The following SLIT1 variants were observed in gnomAD, a reference collection of about 807,000 sequenced individuals.
SLIT1 encodes slit guidance ligand 1.
A neutral mutation model predicts 186.1 loss-of-function variants in SLIT1; 66 were observed. That is an observed-to-expected ratio of 0.35 (90% CI 0.29 to 0.44). The LOEUF (loss-of-function observed/expected upper bound fraction) is 0.44, where lower values mean the gene tolerates loss of function less well. Ranked by LOEUF, SLIT1 falls within the 20% of genes least tolerant of loss-of-function variation. SLIT1 has a pLI of 1.00. For missense variants in SLIT1, 1,638 were observed against 2,037.4 expected, an observed-to-expected ratio of 0.80 and a Z score of 3.77; for synonymous variants, 761 against 833.8, an observed-to-expected ratio of 0.91 and a Z score of 1.50.
chr10:97,004,670 T>C lies in SLIT1; in HGVS notation c.3710+23A>G, dbSNP rs891992106. On this transcript the variant is annotated intron_variant, in intron 33 of 36. Coordinates refer to ENST00000266058, the MANE Select transcript of SLIT1 (RefSeq NM_003061.3). The surrounding 1 kb of genome is among the most constrained non-coding windows in gnomAD (Gnocchi z 5.1). Reference sequence around the variant, plus strand: ...GCAGTCCCGTACCCCTGAGGGCAGCTGGGGGGCATAAGGAAGCCCTACCTG... The same window carrying C: ...GCAGTCCCGTACCCCTGAGGGCAGCCGGGGGGCATAAGGAAGCCCTACCTG... 14 of 1,613,782 alleles carry C rather than the reference T, an allele frequency of 8.7e-6. No individual in the cohort carries two copies. Among genetic ancestry groups the C allele is most frequent in the Non-Finnish European group, 1.1e-5 (13 of 1,179,836 alleles).
chr10:97,021,476 C>T lies in SLIT1; in HGVS notation c.2583-63G>A. On this transcript the variant is annotated intron_variant, in intron 25 of 36. Transcript: ENST00000266058. This position sits in a 1 kb window ranked among gnomAD's most constrained non-coding sequence, Gnocchi z 4.5. ...CATGGGGTCCCTCGCCCACTGGGAA[C>T]CTAGAGTCCCAGGCACTGCACCAGG... 3 of 1,510,670 alleles carry T rather than the reference C, an allele frequency of 2.0e-6. No homozygotes were observed. Among genetic ancestry groups the T allele is most frequent in the Non-Finnish European group, 1.8e-6 (2 of 1,108,372 alleles). 93.6% of individuals were successfully genotyped at this position (1,510,670 alleles called of 1,614,324 possible).
chr10:97,089,528 G>A (rs1292429701), intron 4 of SLIT1, among the ~76,000 whole-genome samples: 1 of 152,196 alleles, frequency 6.6e-6, no homozygotes, highest in Non-Finnish European at 1.5e-5. Context: ...AGATGAGTGT[G>A]AAGCCTGCAG....
intron 25 of SLIT1, among the ~76,000 whole-genome samples, chr10:97,025,872 GATCT>G (rs1178313984): frequency 2.0e-5 from 3 of 152,118 alleles, no homozygotes; most frequent in Non-Finnish European, 4.4e-5. Flanking sequence ...ACTCCTAGGC[GATCT>G]ATCTGTGCGC....
chr10:97,157,852 G>C lies in SLIT1; in HGVS notation c.379C>G (p.Leu127Val). The C allele has an allele frequency of 6.2e-7, 1 of 1,614,050 alleles. No homozygotes were observed. Among genetic ancestry groups the C allele is most frequent in the African/African-American group, 1.3e-5 (1 of 75,054 alleles). Residue 127 changes from leucine to valine, a missense_variant, in exon 4 of 37, where the codon CTG becomes GTG. Around this residue, in one of 3 missense-constraint regions of SLIT1, gnomAD observed 1,245 missense variants for 1,535.3 expected, o/e 0.81. Transcript: ENST00000266058. ...AAAGCCTGGTTGTTCTGGAACAGCA[G>C]TTCCGGTAACATGTGCAGCTGGTTT... Reference protein sequence around the residue: ...NRNQLHMLPELLFQNNQALSR... With the variant: ...NRNQLHMLPEVLFQNNQALSR...
intron 9 of SLIT1, among the ~76,000 whole-genome samples, 190 bp downstream of exon 9, chr10:97,060,450 C>A (rs539762029): frequency 6.6e-6 from 1 of 152,380 alleles, no homozygotes; most frequent in African/African-American, 2.4e-5. Context: ...ACACTCCCTC[C>A]CCAGCCCTCC....
rs769848205 is a variant in SLIT1, at chr10:97,057,254, G to T, written c.1113C>A (p.Asp371Glu). The T allele has an allele frequency of 1.4e-5, 22 of 1,613,900 alleles. No homozygotes were observed. The highest frequency in any genetic ancestry group is 1.8e-5 in the Non-Finnish European group (21 of 1,179,968). Reference sequence around the variant, plus strand: ...GGCCTCCAAACACACCACGGGGGAGGTCTGTGATCTTGTTTCCATAGAGGA... The same window carrying T: ...GGCCTCCAAACACACCACGGGGGAGTTCTGTGATCTTGTTTCCATAGAGGA... ...SLVLYGNKITDLPRGVFGGLY... is the reference protein window; with the variant it reads ...SLVLYGNKITELPRGVFGGLY... The change falls in exon 12 of 37, where the codon GAC becomes GAA. Residue 371 changes from aspartate to glutamate, a missense_variant. By Grantham distance (45) the Asp-to-Glu change is conservative. Around this residue, in one of 3 missense-constraint regions of SLIT1, gnomAD observed 1,245 missense variants for 1,535.3 expected, o/e 0.81. Transcript: ENST00000266058.
intron 4 of SLIT1, among the ~76,000 whole-genome samples, chr10:97,069,075 T>A (rs181255907): frequency 6.6e-6 from 1 of 152,352 alleles, no homozygotes; most frequent in Non-Finnish European, 1.5e-5. Context: ...TCTGTGGACT[T>A]GTGGACTTGT....
rs1330358220 is a variant in SLIT1, at chr10:97,021,942, C to A, written c.2583-529G>T. ...CGCTACTATTCTCATTTTACATGTG[C>A]AGAAACCGAGGCTCAAAAAGGCTGA... is the stretch of plus-strand genomic sequence containing the variant. On this transcript the variant is annotated intron_variant, in intron 25 of 36. Coordinates refer to ENST00000266058, the MANE Select transcript of SLIT1 (RefSeq NM_003061.3). The surrounding 1 kb of genome is among the most constrained non-coding windows in gnomAD (Gnocchi z 4.5). Among the ~76,000 whole-genome samples, 2 of 152,216 alleles carry A rather than the reference C, an allele frequency of 1.3e-5. No homozygotes were observed. The highest frequency in any genetic ancestry group is 3.8e-4 in the East Asian group (2 of 5,196).
chr10:97,012,118 A>G (rs919592838), intron 30 of SLIT1, among the ~76,000 whole-genome samples: 5 of 141,076 alleles, frequency 3.5e-5, no homozygotes, highest in African/African-American at 8.1e-5. Flanking sequence ...ACACACACAC[A>G]CACACACACA....
chr10:97,106,629 CAAATT>C (rs1291235647), intron 4 of SLIT1, among the ~76,000 whole-genome samples: 3 of 148,116 alleles, frequency 2.0e-5, no homozygotes, highest in Non-Finnish European at 4.4e-5. Flanking sequence ...AATAAGGAAA[CAAATT>C]AAAGTTGTTT....
At position 97,043,396 on chromosome 10, in the gene SLIT1, G is replaced by T; in HGVS notation, c.1971C>A (p.Phe657Leu). 6.2e-7 allele frequency: 1 copy of T among 1,613,776 alleles called. No individual in the cohort carries two copies. The highest frequency in any genetic ancestry group is 8.5e-7 in the Non-Finnish European group (1 of 1,180,012). Reference protein sequence around the residue: ...NQITTVSPGAFDTLQSLSTLN... With the variant: ...NQITTVSPGALDTLQSLSTLN... Reference sequence around the variant, plus strand: ...GTGTGGAGAGGGACTGGAGGGTGTCGAAGGCTCCTGGGGATACGGTGGTGA... The same window carrying T: ...GTGTGGAGAGGGACTGGAGGGTGTCTAAGGCTCCTGGGGATACGGTGGTGA... The change falls in exon 19 of 37, where the codon TTC becomes TTA. Residue 657 changes from phenylalanine (F) to leucine (L), a missense_variant. Coordinates refer to ENST00000266058, the MANE Select transcript of SLIT1 (RefSeq NM_003061.3). The surrounding 1 kb of genome is among the most constrained non-coding windows in gnomAD (Gnocchi z 7.0).
chr10:97,139,493 G>A (rs963852619), intron 4 of SLIT1, among the ~76,000 whole-genome samples: 13 of 152,222 alleles, frequency 8.5e-5, no homozygotes, highest in Non-Finnish European at 1.5e-4. Flanking sequence ...TCTAAGAGAA[G>A]AGTATTATCA....
chr10:97,158,402 C>G (rs1255493133), intron 3 of SLIT1, among the ~76,000 whole-genome samples: 1 of 152,094 alleles, frequency 6.6e-6, no homozygotes, highest in Non-Finnish European at 1.5e-5. Flanking sequence ...TGGCTCACAA[C>G]TGTAATCCCA....
At chr10:97,141,397 C>T (rs562447828) in intron 4 of SLIT1, among the ~76,000 whole-genome samples, 16 of 152,330 alleles carry the variant, frequency 1.1e-4, no homozygotes, top group African/African-American at 3.8e-4. Flanking sequence ...CAGCCCCAGG[C>T]CCCTTGACTC....
At chr10:97,027,086 G>C (rs1167751376) in intron 25 of SLIT1, among the ~76,000 whole-genome samples, 1 of 152,186 alleles carries the variant, frequency 6.6e-6, no homozygotes, top group Admixed American at 6.5e-5. Context: ...CAGGAGCAGG[G>C]CTTCTCAGTA....
At chr10:97,013,949 C>A in intron 29 of SLIT1, 70 bp downstream of exon 29, 3 of 1,589,516 alleles carry the variant, frequency 1.9e-6, no homozygotes, top group Non-Finnish European at 2.6e-6. Flanking sequence ...CCTTCCACTC[C>A]CGAGCATGGG....
Position 97,018,594 on chromosome 10 carries a change from G to C in SLIT1, c.2961C>G (p.Ala987=). Residue 987 remains alanine (A), a synonymous_variant, in exon 28 of 37, where the codon GCC becomes GCG. Transcript: ENST00000266058. ...CCCTCCAGGTAACTCACGTGAACGGGGCATCCTCGCCCTCCTGTGCATGGC... is the reference window on the plus strand; with the variant it reads ...CCCTCCAGGTAACTCACGTGAACGGCGCATCCTCGCCCTCCTGTGCATGGC... ...GTCHAQEGED[A]PFTCSCPTGF... The C allele has an allele frequency of 6.3e-7, 1 of 1,580,930 alleles. No homozygotes were observed. The highest frequency in any genetic ancestry group is 8.6e-7 in the Non-Finnish European group (1 of 1,162,638).
chr10:97,112,270 C>A (rs551429106), intron 4 of SLIT1, among the ~76,000 whole-genome samples: 4 of 152,124 alleles, frequency 2.6e-5, no homozygotes, highest in African/African-American at 4.8e-5. Context: ...GATACTCACC[C>A]CTCGGCATCC....
At chr10:97,094,784 A>AT (rs1343232454) in intron 4 of SLIT1, among the ~76,000 whole-genome samples, 4 of 152,194 alleles carry the variant, frequency 2.6e-5, no homozygotes, top group African/African-American at 4.8e-5. Context: ...ATATCTTTGA[A>AT]TTTTTTTACA....
Sources: gnomAD v4.1 joint callset for allele counts (sites outside exome capture counted in the v4.1 genomes callset) on GRCh38, gnomAD v4.1.1 for gene constraint, gnomAD v4.1.1 regional missense constraint, Gnocchi (gnomAD v3.1) non-coding constraint, MANE v1.5 for transcripts, NCBI Gene and HGNC (gene_info 2026-07-23, HGNC 2026-07-21) for gene names.